Variants in GALNT13 observed in about 807,000 individuals in gnomAD.
GALNT13 encodes the protein polypeptide N-acetylgalactosaminyltransferase 13.
GALNT13 carries 28 observed loss-of-function variants against 64.2 expected under a neutral mutation model. The ratio of observed to expected loss-of-function variants is 0.44; its 90% CI spans 0.32 to 0.60. The LOEUF (loss-of-function observed/expected upper bound fraction) is 0.60, where lower values mean the gene tolerates loss of function less well. Among genes scored for constraint, GALNT13 ranks in the 20% least tolerant of loss-of-function variants. The pLI is 0.05. For synonymous variants in GALNT13, 214 were observed against 224.6 expected, an observed-to-expected ratio of 0.95 and a Z score of 0.42; for missense variants, 577 against 669.8, an observed-to-expected ratio of 0.86 and a Z score of 1.53.
the GALNT13 span, among the ~76,000 whole-genome samples, chr2:153,677,282 CAT>C: frequency 2.2e-5 from 2 of 92,080 alleles, no homozygotes; most frequent in South Asian, 3.5e-4. Flanking sequence ...TCACAATAGA[CAT>C]ACACACACAC....
chr2:153,682,247 C>T, the GALNT13 span, among the ~76,000 whole-genome samples: 1 of 151,692 alleles, frequency 6.6e-6, no homozygotes, highest in Non-Finnish European at 1.5e-5. Context: ...TTACAACTCC[C>T]TTTTTTCAGT....
chr2:154,248,815 G>A (rs1689920817), intron 7 of GALNT13, among the ~76,000 whole-genome samples: 1 of 152,008 alleles, frequency 6.6e-6, no homozygotes, highest in African/African-American at 2.4e-5. Flanking sequence ...TGAGGCTGAG[G>A]GTCATTTGAC....
chr2:153,778,649 A>G, the GALNT13 span, among the ~76,000 whole-genome samples: 1 of 152,226 alleles, frequency 6.6e-6, no homozygotes, highest in African/African-American at 2.4e-5. Flanking sequence ...TACAAAAATG[A>G]TCACATTAAA....
intron 4 of GALNT13, among the ~76,000 whole-genome samples, chr2:154,184,307 A>G (rs1686131379): frequency 1.3e-5 from 2 of 152,122 alleles, no homozygotes; most frequent in Admixed American, 1.3e-4. Context: ...ACTTAAGAAT[A>G]AAATGAGTCT....
chr2:153,866,414 A>C, the GALNT13 span, among the ~76,000 whole-genome samples: 48 of 152,178 alleles, frequency 3.2e-4, 1 homozygote, highest in Non-Finnish European at 4.6e-4. Flanking sequence ...CTCCCTTTAT[A>C]AACAAATAAA....
intron 2 of GALNT13, among the ~76,000 whole-genome samples, chr2:153,910,693 C>T (rs983452587): frequency 6.6e-6 from 1 of 152,094 alleles, no homozygotes. Context: ...TCATTATTTA[C>T]CCCAAATCAT....
At chr2:153,697,317 C>T in the GALNT13 span, among the ~76,000 whole-genome samples, 1 of 152,150 alleles carries the variant, frequency 6.6e-6, no homozygotes, top group African/African-American at 2.4e-5. Context: ...ATGAATTCTG[C>T]AATCTTGTCA....
At chr2:153,277,773 G>A in the GALNT13 span, among the ~76,000 whole-genome samples, 5 of 151,736 alleles carry the variant, frequency 3.3e-5, no homozygotes, top group Admixed American at 3.3e-4. Context: ...TATCTCACAT[G>A]ACTAGTGATG....
chr2:154,325,686 A>G (rs1694840945), intron 9 of GALNT13, among the ~76,000 whole-genome samples: 1 of 152,116 alleles, frequency 6.6e-6, no homozygotes, highest in Non-Finnish European at 1.5e-5. Context: ...CATATAATGT[A>G]TGTCACAAAC....
the GALNT13 span, among the ~76,000 whole-genome samples, chr2:153,245,302 G>A: frequency 6.6e-6 from 1 of 152,236 alleles, no homozygotes; most frequent in African/African-American, 2.4e-5. Flanking sequence ...GGGACAGACT[G>A]CCTCCTCAAT....
At chr2:153,923,064 T>C (rs1689863974) in intron 2 of GALNT13, among the ~76,000 whole-genome samples, 1 of 152,000 alleles carries the variant, frequency 6.6e-6, no homozygotes, top group African/African-American at 2.4e-5. Flanking sequence ...AGTGCTTGGC[T>C]AATTTTTGTA....
At chr2:154,313,752 C>G (rs896627707) in intron 9 of GALNT13, among the ~76,000 whole-genome samples, 1 of 152,004 alleles carries the variant, frequency 6.6e-6, no homozygotes, top group African/African-American at 2.4e-5. Context: ...CATGCCTGGA[C>G]CTAGTATATG....
chr2:153,625,874 A>G, the GALNT13 span, among the ~76,000 whole-genome samples: 7 of 152,058 alleles, frequency 4.6e-5, no homozygotes, highest in Non-Finnish European at 1.0e-4. Context: ...TACAGCTTGC[A>G]TGTAATACAA....
the GALNT13 span, among the ~76,000 whole-genome samples, chr2:153,502,767 A>G: frequency 6.6e-6 from 1 of 152,118 alleles, no homozygotes; most frequent in African/African-American, 2.4e-5. Flanking sequence ...TGATTTTTTG[A>G]TCATGGCTAT....
At chr2:153,092,104 T>C in the GALNT13 span, among the ~76,000 whole-genome samples, 1 of 152,152 alleles carries the variant, frequency 6.6e-6, no homozygotes, top group Non-Finnish European at 1.5e-5. Context: ...GAGACTGTCT[T>C]TTTTGCAGTG....
chr2:153,623,957 A>G, the GALNT13 span, among the ~76,000 whole-genome samples: 2 of 152,080 alleles, frequency 1.3e-5, no homozygotes, highest in Non-Finnish European at 2.9e-5. Context: ...CATCTCATGC[A>G]CATGTTGTTT....
the GALNT13 span, among the ~76,000 whole-genome samples, chr2:153,085,606 A>G: frequency 1.3e-5 from 2 of 152,208 alleles, no homozygotes; most frequent in African/African-American, 4.8e-5. Flanking sequence ...GGATACACAG[A>G]AGTCAAGAAT....
chr2:153,743,403 G>A, the GALNT13 span, among the ~76,000 whole-genome samples: 210 of 152,140 alleles, frequency 1.4e-3, no homozygotes, highest in Admixed American at 2.5e-3. Context: ...TGTCTTTTGG[G>A]TAAATACTCA....
chr2:154,160,142 A>G (rs1390962159), intron 4 of GALNT13, among the ~76,000 whole-genome samples: 1 of 152,104 alleles, frequency 6.6e-6, no homozygotes, highest in African/African-American at 2.4e-5. Context: ...CAGCTATTTT[A>G]AAAGTCTCAT....
Sources: gnomAD v4.1 joint callset for allele counts (sites outside exome capture counted in the v4.1 genomes callset) on GRCh38, gnomAD v4.1.1 for gene constraint, MANE v1.5 for transcripts, NCBI Gene and HGNC (gene_info 2026-07-23, HGNC 2026-07-21) for gene names.